CDK14: variants seen among roughly 807,000 people sequenced by gnomAD.
The protein encoded by CDK14 is cyclin dependent kinase 14, also known as cyclin-dependent kinase 14.
A neutral mutation model predicts 60.7 loss-of-function variants in CDK14; 34 were observed. That is an observed-to-expected ratio of 0.56 (90% CI 0.43 to 0.75). The LOEUF is 0.75. Among genes scored for constraint, CDK14 ranks in the 30% least tolerant of loss-of-function variants. The pLI is 0.00. For missense variants in CDK14, 482 were observed against 564.1 expected (o/e 0.85, Z 1.47); for synonymous variants, 197 against 203.7 (o/e 0.97, Z 0.28).
At chr7:90,977,888 C>T (rs1261737366) in intron 9 of CDK14, among the ~76,000 whole-genome samples, 1 of 152,096 alleles carries the variant, frequency 6.6e-6, no homozygotes, top group Non-Finnish European at 1.5e-5. Flanking sequence ...TTGTCCCGAT[C>T]TTGTAGATGT....
intron 14 of CDK14, among the ~76,000 whole-genome samples, chr7:91,126,994 C>T (rs758509254): frequency 3.3e-5 from 5 of 152,000 alleles, no homozygotes; most frequent in Admixed American, 6.6e-5. Context: ...CAGCAGCATT[C>T]GAAATGGGAA....
intron 14 of CDK14, among the ~76,000 whole-genome samples, chr7:91,205,245 G>T (rs1056926606): frequency 4.1e-4 from 63 of 152,110 alleles, no homozygotes; most frequent in Admixed American, 2.6e-4. Flanking sequence ...TGAATATTCA[G>T]AGCAGCACTA....
intron 2 of CDK14, among the ~76,000 whole-genome samples, chr7:90,706,161 G>T (rs188766825): frequency 1.3e-5 from 2 of 151,868 alleles, no homozygotes; most frequent in South Asian, 4.2e-4. Flanking sequence ...TTCTTTTATG[G>T]CATAGTTTCA....
At chr7:90,761,503 T>C (rs1459797292) in intron 4 of CDK14, among the ~76,000 whole-genome samples, 1 of 152,158 alleles carries the variant, frequency 6.6e-6, no homozygotes, top group Non-Finnish European at 1.5e-5. Context: ...GCTGCTTTAT[T>C]GTTACTGTCA....
At chr7:90,741,422 C>A (rs1327590890) in intron 3 of CDK14, among the ~76,000 whole-genome samples, 1 of 152,136 alleles carries the variant, frequency 6.6e-6, no homozygotes, top group East Asian at 1.9e-4. Flanking sequence ...TGTTTAGTTC[C>A]ACACATAAAT....
chr7:90,748,651 C>T (rs1044395494), intron 4 of CDK14, among the ~76,000 whole-genome samples: 4 of 152,206 alleles, frequency 2.6e-5, no homozygotes, highest in East Asian at 1.9e-4. Flanking sequence ...GGCTTGATAA[C>T]GGCTCATTGC....
At chr7:90,679,069 C>T (rs775896277) in intron 2 of CDK14, among the ~76,000 whole-genome samples, 2 of 152,148 alleles carry the variant, frequency 1.3e-5, no homozygotes, top group African/African-American at 2.4e-5. Context: ...CCCACCTCAG[C>T]CCCCCAAGTA....
chr7:90,721,973 G>A (rs914638931), intron 2 of CDK14, among the ~76,000 whole-genome samples: 2 of 151,974 alleles, frequency 1.3e-5, no homozygotes, highest in African/African-American at 4.8e-5. Flanking sequence ...TTGTACGCAG[G>A]GGAGTAGCGC....
At chr7:91,158,786 C>G (rs1801072574) in intron 14 of CDK14, among the ~76,000 whole-genome samples, 1 of 152,106 alleles carries the variant, frequency 6.6e-6, no homozygotes, top group African/African-American at 2.4e-5. Flanking sequence ...ACATCTTTGT[C>G]CAGCTTAGAT....
intron 2 of CDK14, among the ~76,000 whole-genome samples, chr7:90,659,375 G>A (rs1289876058): frequency 6.6e-6 from 1 of 152,244 alleles, no homozygotes; most frequent in South Asian, 2.1e-4. Context: ...GACCCCAAAG[G>A]GTTAGATTAT....
chr7:91,022,931 C>T (rs1796469694), intron 10 of CDK14, among the ~76,000 whole-genome samples: 1 of 152,094 alleles, frequency 6.6e-6, no homozygotes, highest in Non-Finnish European at 1.5e-5. Context: ...GAGCTTCTCA[C>T]TATGGTCTCT....
chr7:91,052,352 T>A (rs1254576848), intron 11 of CDK14, among the ~76,000 whole-genome samples: 1 of 152,252 alleles, frequency 6.6e-6, no homozygotes, highest in African/African-American at 2.4e-5. Flanking sequence ...GCTTTCATTA[T>A]GAAATAGCAT....
chr7:90,645,846 C>G (rs1006048587), intron 2 of CDK14, among the ~76,000 whole-genome samples: 3 of 152,222 alleles, frequency 2.0e-5, no homozygotes, highest in African/African-American at 7.2e-5. Context: ...TGTTGTCCTA[C>G]TTCATTTTCC....
intron 2 of CDK14, among the ~76,000 whole-genome samples, chr7:90,640,612 T>C (rs1800302715): frequency 6.6e-6 from 1 of 152,066 alleles, no homozygotes; most frequent in Non-Finnish European, 1.5e-5. Flanking sequence ...ATGGTGGGAA[T>C]AAAATATGAT....
intron 5 of CDK14, among the ~76,000 whole-genome samples, chr7:90,808,537 G>T (rs191660963): frequency 6.6e-6 from 1 of 152,142 alleles, no homozygotes; most frequent in African/African-American, 2.4e-5. Flanking sequence ...GACCATCGAG[G>T]CTAGGAAGAA....
chr7:90,791,467 C>T (rs1199659737), intron 5 of CDK14, among the ~76,000 whole-genome samples: 3 of 152,126 alleles, frequency 2.0e-5, no homozygotes, highest in African/African-American at 7.2e-5. Context: ...TCATCCATAA[C>T]AAGATAAATT....
At chr7:91,038,112 T>C (rs1454877729) in intron 10 of CDK14, among the ~76,000 whole-genome samples, 1 of 152,152 alleles carries the variant, frequency 6.6e-6, no homozygotes, top group Non-Finnish European at 1.5e-5. Context: ...GCCTGACTGC[T>C]TCTAGAAGAA....
intron 5 of CDK14, among the ~76,000 whole-genome samples, chr7:90,829,954 G>C (rs1789861256): frequency 1.3e-5 from 2 of 152,216 alleles, no homozygotes; most frequent in Non-Finnish European, 2.9e-5. Flanking sequence ...GCTTTGCCAG[G>C]TAGAGCCCCC....
intron 14 of CDK14, among the ~76,000 whole-genome samples, chr7:91,197,219 G>A (rs995188901): frequency 6.6e-6 from 1 of 152,074 alleles, no homozygotes; most frequent in Admixed American, 6.5e-5. Flanking sequence ...GGCCAACATG[G>A]TGAAACCCTG....
Sources: gnomAD v4.1 joint callset for allele counts (sites outside exome capture counted in the v4.1 genomes callset) on GRCh38, gnomAD v4.1.1 for gene constraint, MANE v1.5 for transcripts, NCBI Gene and HGNC (gene_info 2026-07-23, HGNC 2026-07-21) for gene names.